The following WWOX variants were observed in gnomAD, a reference collection of about 807,000 sequenced individuals.
WWOX encodes WW domain containing oxidoreductase, also known as WW domain-containing oxidoreductase.
WWOX carries 69 observed loss-of-function variants against 46.2 expected under a neutral mutation model. The ratio of observed to expected loss-of-function variants is 1.49; its 90% CI spans 1.23 to 1.82. WWOX has a LOEUF of 1.82. WWOX is among the 40% of genes most tolerant of loss of function. The pLI is 0.00. For synonymous variants in WWOX, 359 were observed against 202.6 expected (o/e 1.77, Z -6.56); for missense variants, 919 against 542.6 (o/e 1.69, Z -6.89).
At chr16:78,482,028 A>T (rs990698904) in intron 8 of WWOX, among the ~76,000 whole-genome samples, 2 of 152,084 alleles carry the variant, frequency 1.3e-5, no homozygotes, top group African/African-American at 4.8e-5. Context: ...AGGACTTAAG[A>T]AATCTGTTTC....
chr16:79,035,134 A>T (rs2047840620), intron 8 of WWOX, among the ~76,000 whole-genome samples: 1 of 152,218 alleles, frequency 6.6e-6, no homozygotes, highest in African/African-American at 2.4e-5. Context: ...AATATCTGTG[A>T]TCTCATCATT....
At chr16:78,706,837 C>T (rs368588456) in intron 8 of WWOX, among the ~76,000 whole-genome samples, 2 of 152,088 alleles carry the variant, frequency 1.3e-5, no homozygotes, top group East Asian at 3.9e-4. Context: ...CACTTTATCA[C>T]CCAGTCTGGA....
rs114324622 is a variant in WWOX at position 78,188,571 on chromosome 16, G to C, written c.516+24282G>C. Among the ~76,000 whole-genome samples the C allele has an allele frequency of 1.9e-3, 295 of 152,044 alleles. 1 individual carries two copies. Among genetic ancestry groups the C allele is most frequent in the African/African-American group, 5.6e-3 (233 of 41,454 alleles). On this transcript the variant is annotated intron_variant, in intron 5 of 8. Transcript: ENST00000566780. Reference sequence around the variant, plus strand: ...AAGGCTCTAGAATTGGAGTGACTCAGCTTTACTTGAAAAATCCCAGAATAG... The same window carrying C: ...AAGGCTCTAGAATTGGAGTGACTCACCTTTACTTGAAAAATCCCAGAATAG...
chr16:78,137,804 T>A (rs2033852489), intron 4 of WWOX, among the ~76,000 whole-genome samples: 1 of 136,870 alleles, frequency 7.3e-6, no homozygotes, highest in Non-Finnish European at 1.7e-5. Flanking sequence ...TAATAAAAGT[T>A]TTTTGCAAAG....
At chr16:78,574,828 C>A (rs1425912955) in intron 8 of WWOX, among the ~76,000 whole-genome samples, 5 of 149,520 alleles carry the variant, frequency 3.3e-5, no homozygotes, top group African/African-American at 1.2e-4. Context: ...AGGTGTTGAT[C>A]TAAGGGTTCA....
At chr16:78,487,528 T>C (rs1358915033) in intron 8 of WWOX, among the ~76,000 whole-genome samples, 1 of 152,144 alleles carries the variant, frequency 6.6e-6, no homozygotes, top group Non-Finnish European at 1.5e-5. Context: ...CTGTTATGTA[T>C]TTGGGACTTA....
intron 8 of WWOX, among the ~76,000 whole-genome samples, chr16:78,486,525 G>A (rs998711814): frequency 6.6e-5 from 10 of 150,946 alleles, no homozygotes; most frequent in Non-Finnish European, 1.3e-4. Context: ...GGACCTGGTT[G>A]TTGTACACTA....
In WWOX at chr16:78,480,145, G is replaced by A. The variant is rs12597007; in HGVS notation, c.1056+47393G>A. ...GGTAGCCACGTGTGACTATTAAAATGTAAATTAATTAAAATTAAAAGTTCA... is the reference window on the plus strand; with the variant it reads ...GGTAGCCACGTGTGACTATTAAAATATAAATTAATTAAAATTAAAAGTTCA... On this transcript the variant is annotated intron_variant, in intron 8 of 8. Coordinates refer to ENST00000566780, the MANE Select transcript of WWOX (RefSeq NM_016373.4). Among the ~76,000 whole-genome samples the A allele has an allele frequency of 1.6e-3, 241 of 152,320 alleles. 4 individuals are homozygous for A. The East Asian group carries it at 0.04, about 26-fold the overall frequency.
intron 8 of WWOX, among the ~76,000 whole-genome samples, chr16:78,606,574 A>G (rs2045762427): frequency 6.6e-6 from 1 of 152,172 alleles, no homozygotes; most frequent in African/African-American, 2.4e-5. Flanking sequence ...TTAAAAAGAC[A>G]AGAAATATGC....
At chr16:78,457,445 A>G (rs2083846339) in intron 8 of WWOX, among the ~76,000 whole-genome samples, 1 of 152,202 alleles carries the variant, frequency 6.6e-6, no homozygotes, top group African/African-American at 2.4e-5. Context: ...TGAGAAAGCG[A>G]AGGTGAATTT....
intron 8 of WWOX, among the ~76,000 whole-genome samples, chr16:79,104,274 A>G (rs1482680706): frequency 6.6e-6 from 1 of 152,202 alleles, no homozygotes; most frequent in Non-Finnish European, 1.5e-5. Flanking sequence ...AAGGACATTA[A>G]TAATGTTTTG....
chr16:78,912,665 A>T (rs1055085361), intron 8 of WWOX, among the ~76,000 whole-genome samples: 1 of 151,992 alleles, frequency 6.6e-6, no homozygotes. Flanking sequence ...ATTCTCATTT[A>T]AGTTCCCCTC....
intron 8 of WWOX, among the ~76,000 whole-genome samples, chr16:78,594,429 G>GA (rs2045429050): frequency 3.1e-5 from 1 of 32,380 alleles, no homozygotes; most frequent in Admixed American, 6.2e-4. Context: ...CTGAGGAAAG[G>GA]CCCCCCCCCC....
At chr16:78,966,867 G>C (rs11150120) in intron 8 of WWOX, among the ~76,000 whole-genome samples, 51,608 of 151,972 alleles carry the variant, frequency 0.34, 10,099 homozygotes, top group East Asian at 0.48. Flanking sequence ...AAAAATAATA[G>C]TTCCCACCTC....
intron 8 of WWOX, among the ~76,000 whole-genome samples, chr16:79,123,194 C>G (rs1476087631): frequency 6.6e-6 from 1 of 152,114 alleles, no homozygotes; most frequent in East Asian, 1.9e-4. Flanking sequence ...CTGTGCTCAA[C>G]AGCCAGGCCA....
At chr16:78,533,290 C>G (rs1305863190) in intron 8 of WWOX, among the ~76,000 whole-genome samples, 2 of 152,026 alleles carry the variant, frequency 1.3e-5, no homozygotes, top group East Asian at 1.9e-4. Context: ...TGCCTGTAAT[C>G]CCAGCACTTT....
At chr16:78,937,219 T>G (rs1377124753) in intron 8 of WWOX, among the ~76,000 whole-genome samples, 1 of 152,096 alleles carries the variant, frequency 6.6e-6, no homozygotes, top group Non-Finnish European at 1.5e-5. Flanking sequence ...AGAGAAAACT[T>G]TCAACTTTTA....
rs374541202 is a variant in WWOX, at chr16:78,432,594, A to G, written c.898A>G (p.Asn300Asp). ...GGCTTATAACAGGTCCAAGCTCTGCAACATCCTCTTCTCCAACGAGCTGCA... is the reference window on the plus strand; with the variant it reads ...GGCTTATAACAGGTCCAAGCTCTGCGACATCCTCTTCTCCAACGAGCTGCA... ...MLAYNRSKLC[N>D]ILFSNELHRR... Residue 300 changes from asparagine (N) to aspartate (D), a missense_variant, in exon 8 of 9, where the codon AAC becomes GAC. Transcript: ENST00000566780. 40 of 1,614,246 alleles carry G rather than the reference A, an allele frequency of 2.5e-5. No individual in the cohort carries two copies. In the African/African-American group the frequency reaches 4.5e-4, roughly 18 times the overall value.
intron 8 of WWOX, among the ~76,000 whole-genome samples, chr16:78,567,492 G>A (rs2044599360): frequency 7.0e-6 from 1 of 143,712 alleles, no homozygotes; most frequent in South Asian, 2.2e-4. Context: ...GGCGGAGCTT[G>A]CAGTGAGCAG....
Sources: gnomAD v4.1 joint callset for allele counts (sites outside exome capture counted in the v4.1 genomes callset) on GRCh38, gnomAD v4.1.1 for gene constraint, MANE v1.5 for transcripts, NCBI Gene and HGNC (gene_info 2026-07-23, HGNC 2026-07-21) for gene names.